TTYH2: variants seen among roughly 807,000 people sequenced by gnomAD.
TTYH2 encodes protein tweety homolog 2.
A neutral mutation model predicts 68.3 loss-of-function variants in TTYH2; 49 were observed. The ratio of observed to expected loss-of-function variants is 0.72; its 90% CI spans 0.57 to 0.91. The LOEUF (loss-of-function observed/expected upper bound fraction) is 0.91, where lower values mean the gene tolerates loss of function less well. TTYH2 is among the 40% of genes least tolerant of loss of function. TTYH2 has a pLI of 0.00. For synonymous variants in TTYH2, 272 were observed against 300.8 expected (o/e 0.90, Z 0.99); for missense variants, 631 against 700.4 (o/e 0.90, Z 1.12).
intron 4 of TTYH2, chr17:74,240,838 C>T (rs962345129): frequency 1.3e-5 from 2 of 152,100 alleles, no homozygotes; most frequent in Admixed American, 1.3e-4. Context: ...AAAACACATC[C>T]GCCTAGAGGA....
In TTYH2 at chr17:74,236,895, C is replaced by CT. The variant is rs553285799; in HGVS notation, c.415-382dup. ...TTCATGCCTAAGCAGGCCAGGCCAG[C>CT]TTTTTTTTTTTTTTTTTCGACACAG... On this transcript the variant is annotated intron_variant, in intron 3 of 13. Coordinates refer to ENST00000269346, the MANE Select transcript of TTYH2 (RefSeq NM_032646.6). Among the ~76,000 whole-genome samples the CT allele has an allele frequency of 3.7e-3, 491 of 133,358 alleles. 3 individuals carry two copies. The highest frequency in any genetic ancestry group is 9.2e-3 in the African/African-American group (324 of 35,392). The allele number at this position is 133,358 out of a possible 152,430, so 87.5% of individuals were successfully genotyped here. A position where few individuals can be genotyped will look rare whatever the true frequency, so the allele number is the denominator to read the frequency against.
At chr17:74,252,459 T>C in intron 11 of TTYH2, 83 bp downstream of exon 11, 1 of 1,495,578 alleles carries the variant, frequency 6.7e-7, no homozygotes, top group Non-Finnish European at 9.0e-7. Context: ...CTCTACGATT[T>C]AGCTGATAAC....
In TTYH2 at chr17:74,249,360, C is replaced by A; in HGVS notation, c.891C>A (p.Tyr297Ter). 6.2e-7 allele frequency: 1 copy of A among 1,614,154 alleles called. No homozygotes were observed. Among genetic ancestry groups the A allele is most frequent in the Non-Finnish European group, 8.5e-7 (1 of 1,180,022 alleles). Reference sequence around the variant, plus strand: ...GCCCTGCAGAGGTGACTCGCTACTACCTGTATTGCAGCCAGAGTGGAAGCA... The same window carrying A: ...GCCCTGCAGAGGTGACTCGCTACTAACTGTATTGCAGCCAGAGTGGAAGCA... The part of the protein sequence containing the change: ...GQISTEVTRY[Y>*]LYCSQSGSSP... Residue 297 changes from tyrosine (Y) to a stop codon, truncating the protein, a stop_gained, in exon 8 of 14, where the codon TAC becomes TAA. Coordinates refer to ENST00000269346, the MANE Select transcript of TTYH2 (RefSeq NM_032646.6). LOFTEE classifies it high-confidence loss of function.
intron 1 of TTYH2, among the ~76,000 whole-genome samples, chr17:74,221,976 G>A (rs73995085): frequency 0.011 from 1,606 of 152,330 alleles, 34 homozygotes; most frequent in African/African-American, 0.036. Context: ...TTGCATGGAA[G>A]AGGCAACAGA....
At chr17:74,237,265 C>T in intron 3 of TTYH2, 29 bp from the exon 4 acceptor site, 3 of 1,608,922 alleles carry the variant, frequency 1.9e-6, no homozygotes, top group Non-Finnish European at 2.6e-6. Flanking sequence ...GCTCTACCTC[C>T]ATGGCTTTTG....
At chr17:74,249,449 TG>T in intron 8 of TTYH2, 50 bp downstream of exon 8, 2 of 1,598,958 alleles carry the variant, frequency 1.3e-6, no homozygotes, top group Non-Finnish European at 1.7e-6. Flanking sequence ...CGCTCCCCCT[TG>T]ACCCTAAGCC....
At chr17:74,234,792 TTATAGAAA>T (rs886957710) in intron 3 of TTYH2, among the ~76,000 whole-genome samples, 35 of 152,318 alleles carry the variant, frequency 2.3e-4, no homozygotes, top group South Asian at 6.2e-4. Context: ...TTTGTTTGAT[TTATAGAAA>T]TATAGAAATA....
chr17:74,241,210 C>T lies in TTYH2; in HGVS notation c.636-2164C>T, dbSNP rs2050496127. ...CTGAGGCAGGAGGATCTCTTGAGTCCAGGAGTTTGAGACCAGCCTGGACAA... is the reference window on the plus strand; with the variant it reads ...CTGAGGCAGGAGGATCTCTTGAGTCTAGGAGTTTGAGACCAGCCTGGACAA... On this transcript the variant is annotated intron_variant, in intron 4 of 13. Transcript: ENST00000269346. This position sits in a 1 kb window ranked among gnomAD's most constrained non-coding sequence, Gnocchi z 4.1. Among the ~76,000 whole-genome samples, 1 of 151,668 alleles carries T rather than the reference C, an allele frequency of 6.6e-6. No individual in the cohort carries two copies. The highest frequency in any genetic ancestry group is 1.5e-5 in the Non-Finnish European group (1 of 67,958).
intron 2 of TTYH2, among the ~76,000 whole-genome samples, chr17:74,223,102 G>A (rs1348421797): frequency 1.3e-5 from 2 of 152,068 alleles, no homozygotes; most frequent in African/African-American, 2.4e-5. Flanking sequence ...GAGGAAGGGA[G>A]AATTTCTTTT....
chr17:74,237,366 G>C lies in TTYH2; in HGVS notation c.487G>C (p.Ala163Pro). The C allele has an allele frequency of 6.2e-7, 1 of 1,614,174 alleles. No homozygotes were observed. The highest frequency in any genetic ancestry group is 1.1e-5 in the South Asian group (1 of 91,086). ...GGCCCGGCTCAGTGAGATCTTTGCT[G>C]CCCGGGGCGATTACCTGCAGACCCT... ...HLARLSEIFAARGDYLQTLKF... is the reference protein window; with the variant it reads ...HLARLSEIFAPRGDYLQTLKF... The change falls in exon 4 of 14, where the codon GCC (alanine) becomes CCC (proline). Residue 163 changes from alanine to proline, a missense_variant. By Grantham distance (27) the Ala-to-Pro change is conservative. Coordinates refer to ENST00000269346, the MANE Select transcript of TTYH2 (RefSeq NM_032646.6).
intron 3 of TTYH2, among the ~76,000 whole-genome samples, chr17:74,236,457 A>G (rs2050443906): frequency 6.6e-6 from 1 of 152,272 alleles, no homozygotes; most frequent in African/African-American, 2.4e-5. Context: ...GAGAATCTTC[A>G]AAGAATAATG....
chr17:74,245,200 G>T (rs1346987909), intron 6 of TTYH2, among the ~76,000 whole-genome samples: 2 of 152,228 alleles, frequency 1.3e-5, no homozygotes, highest in Non-Finnish European at 2.9e-5. Context: ...AGAAGAGGGG[G>T]CATTTTCTGT....
At chr17:74,224,558 C>T (rs867517216) in intron 2 of TTYH2, among the ~76,000 whole-genome samples, 1 of 151,952 alleles carries the variant, frequency 6.6e-6, no homozygotes, top group African/African-American at 2.4e-5. Context: ...AAGGAATGTG[C>T]GTGGCAGAAT....
At chr17:74,250,663 A>C in intron 10 of TTYH2, 1 of 267,148 alleles carries the variant, frequency 3.7e-6, no homozygotes, top group Non-Finnish European at 7.1e-6. Flanking sequence ...ACTCCTAGCC[A>C]TTTCCTCAAC....
In TTYH2 at chr17:74,213,577, C is replaced by T. The variant is rs370959999; in HGVS notation, c.-11C>T. ...TGTCGTTCAGCTTGTGGGTAGCACTCGGGCCGAGCCATGCAGGCGGCGCGC... is the reference window on the plus strand; with the variant it reads ...TGTCGTTCAGCTTGTGGGTAGCACTTGGGCCGAGCCATGCAGGCGGCGCGC... On this transcript the variant is annotated 5_prime_UTR_variant, in exon 1 of 14. Coordinates refer to ENST00000269346, the MANE Select transcript of TTYH2 (RefSeq NM_032646.6). This position sits in a 1 kb window ranked among gnomAD's most constrained non-coding sequence, Gnocchi z 6.1. The T allele has an allele frequency of 1.2e-6, 2 of 1,607,714 alleles. No individual in the cohort carries two copies. The highest frequency in any genetic ancestry group is 1.7e-6 in the Non-Finnish European group (2 of 1,177,890).
rs547977014 is a variant in TTYH2, at chr17:74,250,212, C to T, written c.1024-53C>T. 1.3e-4 allele frequency: 207 copies of T among 1,551,060 alleles called. No homozygotes were observed. The South Asian group carries it at 1.6e-3, about 12-fold the overall frequency. ...GCACAGCTGCTGTGGTGGTTTTCTC[C>T]GCCAGCTCTCCTCCACAGCCCCTCG... On this transcript the variant is annotated intron_variant, in intron 9 of 13. Transcript: ENST00000269346.
chr17:74,248,873 G>A lies in TTYH2; in HGVS notation c.805-138G>A, dbSNP rs138649548. 3.6e-4 allele frequency: 537 copies of A among 1,506,830 alleles called. 2 individuals are homozygous for A. In the African/African-American group the frequency reaches 6.7e-3, roughly 19 times the overall value. 93.3% of individuals were successfully genotyped at this position (1,506,830 alleles called of 1,614,324 possible). A position where few individuals can be genotyped will look rare whatever the true frequency, so the allele number is the denominator to read the frequency against. On this transcript the variant is annotated intron_variant, in intron 6 of 13. Transcript: ENST00000269346. ...AGGGGCAGAGCCAGGTTTGAACCCAGGAGGCTGGCTCCAGACTGTCCTTTG... is the reference window on the plus strand; with the variant it reads ...AGGGGCAGAGCCAGGTTTGAACCCAAGAGGCTGGCTCCAGACTGTCCTTTG...
intron 3 of TTYH2, among the ~76,000 whole-genome samples, chr17:74,235,457 G>A (rs886999574): frequency 7.2e-5 from 11 of 152,380 alleles, no homozygotes; most frequent in South Asian, 2.1e-4. Flanking sequence ...CAGCAAGGGC[G>A]TGCTTGGGGC....
intron 13 of TTYH2, among the ~76,000 whole-genome samples, chr17:74,254,468 A>C (rs1406940591): frequency 6.6e-6 from 1 of 152,192 alleles, no homozygotes; most frequent in Non-Finnish European, 1.5e-5. Flanking sequence ...GCGCCCGGCC[A>C]GCTAATTGCC....
Sources: gnomAD v4.1 joint callset for allele counts (sites outside exome capture counted in the v4.1 genomes callset) on GRCh38, gnomAD v4.1.1 for gene constraint, Gnocchi (gnomAD v3.1) non-coding constraint, MANE v1.5 for transcripts, NCBI Gene and HGNC (gene_info 2026-07-23, HGNC 2026-07-21) for gene names.